The following NCAPD2 variants were observed in gnomAD, a reference collection of about 807,000 sequenced individuals.
NCAPD2 encodes non-SMC condensin I complex subunit D2.
A neutral mutation model predicts 164.5 loss-of-function variants in NCAPD2; 100 were observed. That is an observed-to-expected ratio of 0.61 (90% CI 0.52 to 0.72). The LOEUF is 0.72. Ranked by LOEUF, NCAPD2 falls within the 30% of genes least tolerant of loss-of-function variation. NCAPD2 has a pLI of 0.00. For synonymous variants in NCAPD2, 585 were observed against 642.6 expected (o/e 0.91, Z 1.36); for missense variants, 1,560 against 1,749.2 (o/e 0.89, Z 1.93).
intron 6 of NCAPD2, among the ~76,000 whole-genome samples, chr12:6,513,448 A>G (rs1946169567): frequency 6.6e-6 from 1 of 152,112 alleles, no homozygotes; most frequent in Non-Finnish European, 1.5e-5. Context: ...TGAGGAGGTC[A>G]AGGATGCAGT....
chr12:6,503,295 C>A (rs1946056113), intron 2 of NCAPD2, among the ~76,000 whole-genome samples: 1 of 140,550 alleles, frequency 7.1e-6, no homozygotes. Context: ...TAACTGAATG[C>A]CTGAGACTGG....
intron 9 of NCAPD2, among the ~76,000 whole-genome samples, chr12:6,516,177 C>G (rs1055979840): frequency 3.4e-5 from 5 of 147,928 alleles, no homozygotes; most frequent in African/African-American, 1.3e-4. Context: ...ACCTGGGTGA[C>G]AAAACGAGAC....
chr12:6,514,707 C>T (rs1421320654), intron 8 of NCAPD2, 66 bp from the exon 9 acceptor site: 18 of 1,606,316 alleles, frequency 1.1e-5, no homozygotes, highest in Non-Finnish European at 1.5e-5. Flanking sequence ...ACCTGTCTTA[C>T]CTTCCCTTAC....
At chr12:6,522,643 C>G (rs1946274478) in intron 15 of NCAPD2, among the ~76,000 whole-genome samples, 185 bp from the exon 16 acceptor site, 2 of 152,092 alleles carry the variant, frequency 1.3e-5, no homozygotes, top group Non-Finnish European at 2.9e-5. Flanking sequence ...CCTCTAGCCA[C>G]TTACAGCTTA....
intron 2 of NCAPD2, among the ~76,000 whole-genome samples, chr12:6,507,139 TTTTA>T (rs917818761): frequency 4.6e-5 from 7 of 152,174 alleles, no homozygotes; most frequent in African/African-American, 1.2e-4. Context: ...ACATCTTTTA[TTTTA>T]TTTATTTATT....
At position 6,531,511 on chromosome 12, in the gene NCAPD2, TA is replaced by T. The variant is rs753638236; in HGVS notation, c.*111del. 26,078 of 1,268,662 alleles carry T rather than the reference TA, an allele frequency of 0.021. No homozygotes were observed. The highest frequency in any genetic ancestry group is 0.027 in the South Asian group (1,751 of 64,932). The allele number at this position is 1,268,662 out of a possible 1,614,324, so 78.6% of individuals were successfully genotyped here. ...AAAATATTTGTCTGTCTCTTTTTTT[TA>T]AAAAAAAAAAAGGCCGGGCACTGTG... On this transcript the variant is annotated 3_prime_UTR_variant, in exon 32 of 32. Coordinates refer to ENST00000315579, the MANE Select transcript of NCAPD2 (RefSeq NM_014865.4). This position sits in a 1 kb window ranked among gnomAD's most constrained non-coding sequence, Gnocchi z 4.1.
At position 6,523,294 on chromosome 12, in the gene NCAPD2, C is replaced by G. The variant is rs560391483; in HGVS notation, c.2162C>G (p.Ser721Cys). Residue 721 changes from serine to cysteine, a missense_variant, in exon 17 of 32, where the codon TCT becomes TGT. By Grantham distance (112) the Ser-to-Cys change is moderately radical (BLOSUM62 -1). Transcript: ENST00000315579. ...AKAQALIQNL[S>C]LLLVDASVGT... ...GCCCAGGCTTTGATTCAGAATCTCTCTCTGCTGCTAGTGGATGCCTCGGTT... is the reference window on the plus strand; with the variant it reads ...GCCCAGGCTTTGATTCAGAATCTCTGTCTGCTGCTAGTGGATGCCTCGGTT... 3.8e-4 allele frequency: 610 copies of G among 1,614,134 alleles called. 1 individual carries two copies. The South Asian group carries it at 6.3e-3, about 17-fold the overall frequency.
Position 6,531,318 on chromosome 12 carries a change from T to G in NCAPD2, c.4121-9T>G, listed in dbSNP as rs1248987305. 1 of 1,610,436 alleles carries G rather than the reference T, an allele frequency of 6.2e-7. No individual in the cohort carries two copies. The highest frequency in any genetic ancestry group is 1.7e-5 in the Admixed American group (1 of 59,284). On this transcript the variant is annotated splice_polypyrimidine_tract_variant and intron_variant, in intron 31 of 31. Coordinates refer to ENST00000315579, the MANE Select transcript of NCAPD2 (RefSeq NM_014865.4). The surrounding 1 kb of genome is among the most constrained non-coding windows in gnomAD (Gnocchi z 4.1). ...CAGCTTTTTCTTATTCCTTTAATTC[T>G]TTGCATAGATCTTTCAGCAGAGATG...
rs779481219 is a variant in NCAPD2, at chr12:6,516,877, T to G, written c.1037T>G (p.Leu346Arg). 1.2e-6 allele frequency: 2 copies of G among 1,614,172 alleles called. No individual in the cohort carries two copies. The highest frequency in any genetic ancestry group is 1.7e-6 in the Non-Finnish European group (2 of 1,180,036). ...AVLAAMAEMV[L>R]QVLSGDQLEA... ...CTGGCAGCCATGGCGGAGATGGTGC[T>G]GCAGGTTCTCAGTGGCGATCAACTG... is the stretch of plus-strand genomic sequence containing the variant. Residue 346 changes from leucine (L) to arginine (R), a missense_variant, in exon 10 of 32, where the codon CTG becomes CGG. Transcript: ENST00000315579.
Position 6,516,823 on chromosome 12 carries a change from CTT to C in NCAPD2, c.988-4_988-3del. 1.9e-6 allele frequency: 3 copies of C among 1,614,032 alleles called. No homozygotes were observed. Among genetic ancestry groups the C allele is most frequent in the Non-Finnish European group, 2.5e-6 (3 of 1,179,982 alleles). On this transcript the variant is annotated splice_region_variant and splice_polypyrimidine_tract_variant and intron_variant, in intron 9 of 31. Coordinates refer to ENST00000315579, the MANE Select transcript of NCAPD2 (RefSeq NM_014865.4). ...GTTTGACCCCTCTATGCTTCTCTCTCTTAGAATTACATGATGCGTAATGCTGT... is the reference window on the plus strand; with the variant it reads ...GTTTGACCCCTCTATGCTTCTCTCTCAGAATTACATGATGCGTAATGCTGT...
chr12:6,504,208 TATATATATAG>T (rs1946074228), intron 2 of NCAPD2, among the ~76,000 whole-genome samples: 1 of 22,570 alleles, frequency 4.4e-5, no homozygotes, highest in African/African-American at 4.2e-4. Flanking sequence ...TATATATATA[TATATATATAG>T]ATATAGATAT....
rs2137063747 is a variant in NCAPD2 at position 6,531,206 on chromosome 12, T to C, written c.4121-121T>C. On this transcript the variant is annotated intron_variant, in intron 31 of 31. Coordinates refer to ENST00000315579, the MANE Select transcript of NCAPD2 (RefSeq NM_014865.4). The surrounding 1 kb of genome is among the most constrained non-coding windows in gnomAD (Gnocchi z 4.1). ...CCCACTGCCGCAGAAGGGCCTCTCC[T>C]GTACAGCTTGGATTTTATTTCTTCT... is the stretch of plus-strand genomic sequence containing the variant. 1.3e-6 allele frequency: 2 copies of C among 1,484,782 alleles called. No homozygotes were observed. Among genetic ancestry groups the C allele is most frequent in the East Asian group, 2.3e-5 (1 of 44,106 alleles). The allele number at this position is 1,484,782 out of a possible 1,614,324, so 92.0% of individuals were successfully genotyped here.
intron 2 of NCAPD2, among the ~76,000 whole-genome samples, chr12:6,508,523 A>C (rs917514175): frequency 6.6e-6 from 1 of 152,220 alleles, no homozygotes; most frequent in African/African-American, 2.4e-5. Context: ...ATAAAGGGAA[A>C]GGGACAGCTA....
At chr12:6,527,661 CTAAA>C in intron 22 of NCAPD2, 112 bp from the exon 23 acceptor site, 1 of 873,834 alleles carries the variant, frequency 1.1e-6, no homozygotes, top group Non-Finnish European at 1.8e-6. Flanking sequence ...TGACAATTCT[CTAAA>C]TGTTTTTGTA....
chr12:6,496,040 G>A (rs920728304), intron 2 of NCAPD2, among the ~76,000 whole-genome samples: 2 of 150,820 alleles, frequency 1.3e-5, no homozygotes, highest in Non-Finnish European at 2.9e-5. Context: ...TTGCTAGATT[G>A]CAACTTCTTT....
At chr12:6,530,546 A>AT in intron 29 of NCAPD2, 145 bp from the exon 30 acceptor site, 5 of 1,010,468 alleles carry the variant, frequency 4.9e-6, no homozygotes, top group Non-Finnish European at 7.1e-6. Context: ...AGAATGTATC[A>AT]TTGGAATGAT....
In NCAPD2 at chr12:6,521,920, G is replaced by T. The variant is rs1378598766; in HGVS notation, c.1837G>T (p.Glu613Ter). The change falls in exon 15 of 32, where the codon GAA becomes TAA. Residue 613 changes from glutamate (E) to a stop codon, truncating the protein, a stop_gained. Transcript: ENST00000315579. LOFTEE classifies it high-confidence loss of function. ...SDPEESRGND[E>*]LVKQEMLVQY... is the part of the protein sequence containing the mutation. ...TCCTGAGGAATCCAGGGGAAATGAT[G>T]AACTAGTGAAGCAGGAGATGCTGGT... 2 of 1,613,996 alleles carry T rather than the reference G, an allele frequency of 1.2e-6. No individual in the cohort carries two copies. Among genetic ancestry groups the T allele is most frequent in the African/African-American group, 2.7e-5 (2 of 74,900 alleles).
At chr12:6,518,512 T>TTTTTTTTG (rs1946229973) in intron 13 of NCAPD2, among the ~76,000 whole-genome samples, 7 of 103,516 alleles carry the variant, frequency 6.8e-5, no homozygotes, top group East Asian at 2.6e-4. Context: ...AAGTTTTTTT[T>TTTTTTTTG]TTTTTTTTTT....
At chr12:6,523,677 G>A (rs553437051) in intron 17 of NCAPD2, among the ~76,000 whole-genome samples, 5 of 152,318 alleles carry the variant, frequency 3.3e-5, no homozygotes, top group African/African-American at 7.2e-5. Context: ...GATTACAGGC[G>A]TGAGCCAAAG....
Sources: gnomAD v4.1 joint callset for allele counts (sites outside exome capture counted in the v4.1 genomes callset) on GRCh38, gnomAD v4.1.1 for gene constraint, Gnocchi (gnomAD v3.1) non-coding constraint, MANE v1.5 for transcripts, NCBI Gene and HGNC (gene_info 2026-07-23, HGNC 2026-07-21) for gene names.